Variants in C11orf65 observed in about 807,000 individuals in gnomAD.
C11orf65 encodes the protein chromosome 11 open reading frame 65.
In C11orf65, 38 loss-of-function variants were observed where a neutral mutation model predicts 35.3. That is an observed-to-expected ratio of 1.08 (90% confidence interval 0.83 to 1.41). The LOEUF (loss-of-function observed/expected upper bound fraction) is 1.41, where lower values mean the gene tolerates loss of function less well. C11orf65 is among the 40% of genes most tolerant of loss of function. The pLI is 0.00. For missense variants in C11orf65, 370 were observed against 367.1 expected (o/e 1.01, Z -0.06); for synonymous variants, 105 against 114.4 (o/e 0.92, Z 0.53).
chr11:108,465,682 G>T (rs2093526207), intron 1 of C11orf65, among the ~76,000 whole-genome samples: 1 of 149,928 alleles, frequency 6.7e-6, no homozygotes, highest in South Asian at 2.1e-4. Flanking sequence ...ATGGATTAAA[G>T]GTTTTTTTTT....
chr11:108,338,723 TTAAAG>T (rs1190318755), intron 2 of C11orf65, among the ~76,000 whole-genome samples: 4 of 152,218 alleles, frequency 2.6e-5, no homozygotes, highest in African/African-American at 9.6e-5. Context: ...CATCTCAATA[TTAAAG>T]TAAAACCTGT....
chr11:108,418,261 T>C (rs578132854), intron 3 of C11orf65, among the ~76,000 whole-genome samples: 68 of 152,228 alleles, frequency 4.5e-4, no homozygotes, highest in Admixed American at 7.2e-4. Context: ...TTTGACCTAA[T>C]TGACATCTAT....
At chr11:108,405,329 CT>C in intron 6 of C11orf65, 99 bp downstream of exon 6, 1 of 1,234,898 alleles carries the variant, frequency 8.1e-7, no homozygotes, top group Non-Finnish European at 1.1e-6. Context: ...GGCAGACCCC[CT>C]GCAGCTAATG....
chr11:108,380,146 T>C (rs1409937264), downstream of C11orf65, among the ~76,000 whole-genome samples: 1 of 152,202 alleles, frequency 6.6e-6, no homozygotes, highest in Non-Finnish European at 1.5e-5. Flanking sequence ...AGACGTTCCC[T>C]ACGAACTTGG....
At chr11:108,340,274 G>T (rs930938336) in intron 2 of C11orf65, 2 of 152,078 alleles carry the variant, frequency 1.3e-5, no homozygotes, top group African/African-American at 4.8e-5. Flanking sequence ...GGACAATTTT[G>T]TTCCATTTCT....
intron 2 of C11orf65, among the ~76,000 whole-genome samples, chr11:108,446,481 C>A (rs1248236212): frequency 6.6e-6 from 1 of 151,726 alleles, no homozygotes; most frequent in Non-Finnish European, 1.5e-5. Context: ...CAATATTCAA[C>A]ATTCTTAAAG....
chr11:108,358,079 C>A (rs1003085189), intron 2 of C11orf65, among the ~76,000 whole-genome samples: 8 of 149,156 alleles, frequency 5.4e-5, no homozygotes, highest in Admixed American at 1.3e-4. Flanking sequence ...ACTAGAATAA[C>A]CAATACAGAG....
chr11:108,380,175 T>C (rs148522489), downstream of C11orf65, among the ~76,000 whole-genome samples: 34 of 152,254 alleles, frequency 2.2e-4, 1 homozygote, highest in Middle Eastern at 0.01. Flanking sequence ...CATGAATGAG[T>C]TGGCTCAAGC....
At chr11:108,373,914 T>C (rs1042919762) in intron 2 of C11orf65, among the ~76,000 whole-genome samples, 10 of 152,276 alleles carry the variant, frequency 6.6e-5, no homozygotes, top group Non-Finnish European at 1.0e-4. Flanking sequence ...CACGGAGTCT[T>C]GCTGATTGCT....
intron 2 of C11orf65, among the ~76,000 whole-genome samples, chr11:108,453,427 T>C (rs1471071918): frequency 6.6e-6 from 1 of 151,922 alleles, no homozygotes; most frequent in East Asian, 1.9e-4. Flanking sequence ...ATATAAATGG[T>C]CTAAACATGC....
chr11:108,319,442 GCTT>G, intron 6 of C11orf65, among the ~76,000 whole-genome samples: 1 of 152,206 alleles, frequency 6.6e-6, no homozygotes, highest in East Asian at 1.9e-4. Context: ...CATGCGGGTG[GCTT>G]CTTTTCATTC....
rs183762263 is a variant in C11orf65 at position 108,439,706 on chromosome 11, G to A, written c.82-7868C>T. On this transcript the variant is annotated intron_variant, in intron 2 of 8. Coordinates refer to ENST00000393084, the MANE Select transcript of C11orf65 (RefSeq NM_152587.5). Reference sequence around the variant, plus strand: ...ATGAACATTGAAAATGTTATGTTGAGTAAAATAAGCCAGATACAAAAAGAT... The same window carrying A: ...ATGAACATTGAAAATGTTATGTTGAATAAAATAAGCCAGATACAAAAAGAT... 7.2e-5 allele frequency among the ~76,000 whole-genome samples: 11 copies of A among 152,284 alleles called. No homozygotes were observed. In the East Asian group the frequency reaches 1.9e-3, roughly 27 times the overall value.
At chr11:108,357,958 G>T (rs897618900) in intron 2 of C11orf65, among the ~76,000 whole-genome samples, 4 of 149,960 alleles carry the variant, frequency 2.7e-5, no homozygotes, top group African/African-American at 9.8e-5. Flanking sequence ...TGACTTTGAC[G>T]AGCTGAGAGA....
Position 108,332,041 on chromosome 11 carries a change from T to C in C11orf65, c.300-474A>G, listed in dbSNP as rs2136529910. The C allele has an allele frequency of 6.2e-7, 1 of 1,613,572 alleles. No homozygotes were observed. Among genetic ancestry groups the C allele is most frequent in the Non-Finnish European group, 8.5e-7 (1 of 1,179,674 alleles). ...ACAAAGCTCTCAGCTTGATGAGGTA[T>C]TTGGATTAAACATACGTACCTTTTA... is the stretch of plus-strand genomic sequence containing the variant. On this transcript the variant is annotated intron_variant, in intron 3 of 3. Coordinates refer to the C11orf65 transcript ENST00000524755.
chr11:108,443,308 C>A (rs747622428), intron 2 of C11orf65, among the ~76,000 whole-genome samples: 130 of 152,238 alleles, frequency 8.5e-4, no homozygotes, highest in Non-Finnish European at 1.6e-3. Flanking sequence ...AATACAGGAG[C>A]ACCCAGATTC....
chr11:108,458,947 T>C (rs1246852090), intron 2 of C11orf65, among the ~76,000 whole-genome samples: 1 of 152,198 alleles, frequency 6.6e-6, no homozygotes, highest in Non-Finnish European at 1.5e-5. Context: ...TACTTAAGAA[T>C]GAAAGTCTGT....
At position 108,325,491 on chromosome 11, in the gene C11orf65, A is replaced by C. The variant is rs1262434611; in HGVS notation, c.641-16420T>G. On this transcript the variant is annotated intron_variant, in intron 6 of 6. Coordinates refer to the C11orf65 transcript ENST00000525729. ...AAGAGAATGTATTAAGGACATTCTCACCAAACACCTTGTAGAACTCTCTAT... is the reference window on the plus strand; with the variant it reads ...AAGAGAATGTATTAAGGACATTCTCCCCAAACACCTTGTAGAACTCTCTAT... 6.2e-7 allele frequency: 1 copy of C among 1,613,510 alleles called. No homozygotes were observed. Among genetic ancestry groups the C allele is most frequent in the Admixed American group, 1.7e-5 (1 of 60,016 alleles).
chr11:108,430,460 G>T (rs901923487), intron 3 of C11orf65, among the ~76,000 whole-genome samples: 1 of 151,352 alleles, frequency 6.6e-6, no homozygotes, highest in Admixed American at 6.6e-5. Flanking sequence ...CTTAAAAATC[G>T]TTAAGATAGT....
intron 6 of C11orf65, among the ~76,000 whole-genome samples, chr11:108,317,142 T>C (rs1316098959): frequency 2.0e-5 from 3 of 151,556 alleles, no homozygotes; most frequent in Non-Finnish European, 4.4e-5. Flanking sequence ...TCTTGGTTTG[T>C]TGTCCAGGCT....
Sources: allele counts gnomAD v4.1 joint callset (sites outside exome capture counted in the v4.1 genomes callset), GRCh38; gene constraint gnomAD v4.1.1; transcripts MANE v1.5; gene names NCBI Gene and HGNC (gene_info 2026-07-23, HGNC 2026-07-21).